Variants in XXYLT1 observed in about 807,000 individuals in gnomAD.
XXYLT1 encodes UDP-xylose:alpha-xyloside alpha-1,3-xylosyltransferase.
XXYLT1 carries 20 observed loss-of-function variants against 28.9 expected under a neutral mutation model. That is an observed-to-expected ratio of 0.69 (90% CI 0.49 to 1.00). The LOEUF (loss-of-function observed/expected upper bound fraction) is 1.00. Among genes scored for constraint, XXYLT1 ranks in the 50% least tolerant of loss-of-function variants. The pLI, the probability that XXYLT1 is intolerant of heterozygous loss-of-function variation, is 0.00. For synonymous variants in XXYLT1, 257 were observed against 253.8 expected (o/e 1.01, Z -0.12); for missense variants, 542 against 560.1 (o/e 0.97, Z 0.33).
At chr3:195,070,384 C>T (rs976811063) in intron 3 of XXYLT1, among the ~76,000 whole-genome samples, 4 of 152,044 alleles carry the variant, frequency 2.6e-5, no homozygotes, top group South Asian at 2.1e-4. Context: ...CATACTAGAC[C>T]GGCTTACTTA....
At chr3:195,251,800 G>T (rs1427937943) in intron 1 of XXYLT1, among the ~76,000 whole-genome samples, 2 of 152,156 alleles carry the variant, frequency 1.3e-5, no homozygotes, top group African/African-American at 4.8e-5. Context: ...AATGGGAAGG[G>T]GAACAGCCAC....
At chr3:195,093,970 GGCCTGGT>G (rs1193855900) in intron 3 of XXYLT1, 2 of 152,834 alleles carry the variant, frequency 1.3e-5, no homozygotes, top group African/African-American at 4.8e-5. Context: ...ATACCCCCAA[GGCCTGGT>G]GCAGTCAAGG....
At position 195,176,698 on chromosome 3, in the gene XXYLT1, C is replaced by A. The variant is rs2108728157; in HGVS notation, c.653-20117G>T. On this transcript the variant is annotated intron_variant, in intron 2 of 3. Coordinates refer to ENST00000310380, the MANE Select transcript of XXYLT1 (RefSeq NM_152531.5). This position sits in a 1 kb window ranked among gnomAD's most constrained non-coding sequence, Gnocchi z 4.9. ...AATCTGTATCCCACACCACAGCTGGCACTCCCTTACGCTTACCTAAGGACT... is the reference window on the plus strand; with the variant it reads ...AATCTGTATCCCACACCACAGCTGGAACTCCCTTACGCTTACCTAAGGACT... Among the ~76,000 whole-genome samples the A allele has an allele frequency of 6.6e-6, 1 of 152,360 alleles. No homozygotes were observed. Among genetic ancestry groups the A allele is most frequent in the East Asian group, 1.9e-4 (1 of 5,196 alleles).
Position 195,143,791 on chromosome 3 carries a change from T to TATATAG in XXYLT1, c.785+12657_785+12658insCTATAT, listed in dbSNP as rs1553809422. ...TAACCAAATGTTCTCTCATTATATA[T>TATATAG]ATATATATAGATAGATATATATAGA... On this transcript the variant is annotated intron_variant, in intron 3 of 3. Transcript: ENST00000310380. 3.7e-4 allele frequency among the ~76,000 whole-genome samples: 44 copies of TATATAG among 120,534 alleles called. 3 individuals carry two copies. The highest frequency in any genetic ancestry group is 1.4e-3 in the African/African-American group (42 of 30,546). 79.1% of individuals were successfully genotyped at this position (120,534 alleles called of 152,430 possible).
chr3:195,197,062 C>A (rs2108759017), intron 2 of XXYLT1, among the ~76,000 whole-genome samples: 1 of 152,332 alleles, frequency 6.6e-6, no homozygotes, highest in South Asian at 2.1e-4. Flanking sequence ...ACTGAATTGG[C>A]AATGAGTTTT....
chr3:195,122,466 T>TGTA (rs778463904), intron 3 of XXYLT1, among the ~76,000 whole-genome samples: 13 of 152,168 alleles, frequency 8.5e-5, no homozygotes, highest in African/African-American at 2.9e-4. Flanking sequence ...TTGGTAGTAC[T>TGTA]GTAGTAGTAG....
At chr3:195,147,327 T>C (rs1719908710) in intron 3 of XXYLT1, among the ~76,000 whole-genome samples, 1 of 152,126 alleles carries the variant, frequency 6.6e-6, no homozygotes, top group Admixed American at 6.5e-5. Context: ...CCCAGCACTT[T>C]GGGAAGCCCA....
chr3:195,234,709 C>A (rs1320114853), intron 1 of XXYLT1, among the ~76,000 whole-genome samples: 1 of 152,136 alleles, frequency 6.6e-6, no homozygotes, highest in Admixed American at 6.5e-5. Context: ...CTGTAAGGTT[C>A]TCACCAAAAA....
chr3:195,113,577 T>A (rs1169242078), intron 3 of XXYLT1, among the ~76,000 whole-genome samples: 1 of 152,142 alleles, frequency 6.6e-6, no homozygotes, highest in Admixed American at 6.5e-5. Flanking sequence ...GCACTCACGG[T>A]CTTTTTTGTT....
At position 195,069,826 on chromosome 3, in the gene XXYLT1, G is replaced by A. The variant is rs1714693720; in HGVS notation, c.1071C>T (p.Cys357=). 5 of 1,614,060 alleles carry A rather than the reference G, an allele frequency of 3.1e-6. No homozygotes were observed. In the African/African-American group the frequency reaches 4.0e-5, roughly 13 times the overall value. ...VLDCTWNRQL[C]TWWRDHGYSD... Reference sequence around the variant, plus strand: ...TGTAGCCATGGTCCCTCCACCAGGTGCACAGCTGCCGGTTCCAGGTACAGT... The same window carrying A: ...TGTAGCCATGGTCCCTCCACCAGGTACACAGCTGCCGGTTCCAGGTACAGT... The change falls in exon 4 of 4, where the codon TGC becomes TGT. Residue 357 remains cysteine, a synonymous_variant. Coordinates refer to ENST00000310380, the MANE Select transcript of XXYLT1 (RefSeq NM_152531.5).
At chr3:195,177,635 T>C (rs1451149741) in intron 2 of XXYLT1, among the ~76,000 whole-genome samples, 5 of 151,742 alleles carry the variant, frequency 3.3e-5, no homozygotes, top group Non-Finnish European at 7.4e-5. Context: ...CCTCAAAAAA[T>C]GGGGAGATGG....
intron 1 of XXYLT1, chr3:195,270,332 A>T: frequency 9.2e-7 from 1 of 1,081,146 alleles, no homozygotes; most frequent in Non-Finnish European, 1.2e-6. Flanking sequence ...CGAGGCGGTC[A>T]TTAAAAACGC....
rs1714675454 is a variant in XXYLT1 at position 195,069,576 on chromosome 3, C to T, written c.*139G>A. On this transcript the variant is annotated 3_prime_UTR_variant, in exon 4 of 4. Coordinates refer to ENST00000310380, the MANE Select transcript of XXYLT1 (RefSeq NM_152531.5). The stretch of plus-strand genomic sequence containing the variant: ...GGCCTCAGCACAGTGACCTGCCCGG[C>T]AGGAGGTCTCAGCACCTTAATCACA... 7.7e-7 allele frequency: 1 copy of T among 1,291,250 alleles called. No individual in the cohort carries two copies. The highest frequency in any genetic ancestry group is 1.1e-6 in the Non-Finnish European group (1 of 946,300). The allele number at this position is 1,291,250 out of a possible 1,614,324, so 80.0% of individuals were successfully genotyped here.
At chr3:195,242,495 TGAG>T (rs1724821299) in intron 1 of XXYLT1, among the ~76,000 whole-genome samples, 1 of 151,786 alleles carries the variant, frequency 6.6e-6, no homozygotes, top group South Asian at 2.1e-4. Context: ...CATGGACACA[TGAG>T]GAGTGGTTTT....
intron 3 of XXYLT1, among the ~76,000 whole-genome samples, chr3:195,109,593 C>CGTGTGT (rs142991054): frequency 9.9e-5 from 13 of 130,732 alleles, no homozygotes; most frequent in Non-Finnish European, 1.9e-4. Flanking sequence ...TATGAGTGCA[C>CGTGTGT]GTGTGTGTGG....
At chr3:195,216,240 C>A (rs1245737233) in intron 2 of XXYLT1, among the ~76,000 whole-genome samples, 1 of 151,456 alleles carries the variant, frequency 6.6e-6, no homozygotes, top group African/African-American at 2.4e-5. Flanking sequence ...CCTAACATCA[C>A]AATTGAAAGA....
Position 195,129,854 on chromosome 3 carries a change from C to T in XXYLT1, c.785+26595G>A, listed in dbSNP as rs1718815793. On this transcript the variant is annotated intron_variant, in intron 3 of 3. Transcript: ENST00000310380. The surrounding 1 kb of genome is among the most constrained non-coding windows in gnomAD (Gnocchi z 4.4). ...GTACACCTATCTAGGAGTGGAACGG[C>T]TGGTCAGGGTCACTAAGTTTGTGAA... 6.6e-6 allele frequency among the ~76,000 whole-genome samples: 1 copy of T among 152,178 alleles called. No individual in the cohort carries two copies.
intron 3 of XXYLT1, among the ~76,000 whole-genome samples, chr3:195,105,830 C>T (rs758840702): frequency 1.2e-4 from 19 of 152,188 alleles, no homozygotes; most frequent in Middle Eastern, 3.2e-3. Flanking sequence ...GGCCTCCCTG[C>T]GCTTCCCTCT....
At chr3:195,149,207 A>T (rs1720044362) in intron 3 of XXYLT1, among the ~76,000 whole-genome samples, 1 of 152,222 alleles carries the variant, frequency 6.6e-6, no homozygotes, top group Non-Finnish European at 1.5e-5. Flanking sequence ...GTTTATTTAC[A>T]TATACACACA....
Sources: gnomAD v4.1 joint callset for allele counts (sites outside exome capture counted in the v4.1 genomes callset) on GRCh38, gnomAD v4.1.1 for gene constraint, Gnocchi (gnomAD v3.1) non-coding constraint, MANE v1.5 for transcripts, NCBI Gene and HGNC (gene_info 2026-07-23, HGNC 2026-07-21) for gene names.